The following OPCML variants were observed in gnomAD, a reference collection of about 807,000 sequenced individuals.
The protein encoded by OPCML is opioid binding protein/cell adhesion molecule like.
A neutral mutation model predicts 37.8 loss-of-function variants in OPCML; 13 were observed. That is an observed-to-expected ratio of 0.34 (90% confidence interval 0.22 to 0.55). The LOEUF (loss-of-function observed/expected upper bound fraction) is 0.55. Ranked by LOEUF, OPCML falls within the 20% of genes least tolerant of loss-of-function variation. OPCML has a pLI of 0.91. For synonymous variants in OPCML, 176 were observed against 168.8 expected (o/e 1.04, Z -0.33); for missense variants, 341 against 435.6 (o/e 0.78, Z 1.93).
At chr11:132,444,649 C>T (rs373670818) in intron 4 of OPCML, among the ~76,000 whole-genome samples, 3 of 152,156 alleles carry the variant, frequency 2.0e-5, no homozygotes, top group African/African-American at 2.4e-5. Flanking sequence ...TTAATCCCTG[C>T]AGAACTCCCC....
chr11:133,288,081 C>T (rs1942356152), intron 1 of OPCML, among the ~76,000 whole-genome samples: 1 of 152,206 alleles, frequency 6.6e-6, no homozygotes, highest in East Asian at 1.9e-4. Flanking sequence ...TTCTAAGCAT[C>T]TTATTGTGTG....
chr11:132,828,224 G>A (rs1235420727), intron 2 of OPCML, among the ~76,000 whole-genome samples: 1 of 152,160 alleles, frequency 6.6e-6, no homozygotes, highest in Non-Finnish European at 1.5e-5. Flanking sequence ...ATAGATCTGT[G>A]GAGTTGGGGT....
chr11:132,803,118 C>T (rs1159199967), intron 2 of OPCML, among the ~76,000 whole-genome samples: 1 of 152,186 alleles, frequency 6.6e-6, no homozygotes. Context: ...TAAGCTGTGA[C>T]AGGTTTCCAC....
At chr11:132,929,570 A>G (rs562815920) in intron 2 of OPCML, among the ~76,000 whole-genome samples, 1 of 152,334 alleles carries the variant, frequency 6.6e-6, no homozygotes, top group Non-Finnish European at 1.5e-5. Flanking sequence ...TATTTCGATA[A>G]CAAAATCAGA....
chr11:132,519,285 C>T (rs2096286983), intron 4 of OPCML, among the ~76,000 whole-genome samples: 1 of 152,112 alleles, frequency 6.6e-6, no homozygotes, highest in Non-Finnish European at 1.5e-5. Flanking sequence ...AATGTGAAGG[C>T]ATTATGAATC....
At chr11:133,031,257 AG>A (rs1203531109) in intron 1 of OPCML, among the ~76,000 whole-genome samples, 1 of 151,642 alleles carries the variant, frequency 6.6e-6, no homozygotes, top group Non-Finnish European at 1.5e-5. Flanking sequence ...GTGGATGGGT[AG>A]ACAGGTTAAA....
At chr11:132,804,371 G>C (rs1022824566) in intron 2 of OPCML, among the ~76,000 whole-genome samples, 4 of 152,194 alleles carry the variant, frequency 2.6e-5, no homozygotes, top group Non-Finnish European at 5.9e-5. Flanking sequence ...GCAAACTAGA[G>C]AGGAGGCAAC....
At chr11:133,053,298 T>C (rs1179613172) in intron 1 of OPCML, among the ~76,000 whole-genome samples, 1 of 152,218 alleles carries the variant, frequency 6.6e-6, no homozygotes, top group Non-Finnish European at 1.5e-5. Context: ...ATGGCGTGCA[T>C]TGTGATTATG....
At chr11:133,454,168 A>G (rs910212669) in intron 1 of OPCML, among the ~76,000 whole-genome samples, 2 of 152,196 alleles carry the variant, frequency 1.3e-5, no homozygotes, top group Non-Finnish European at 2.9e-5. Context: ...TGTGGAAATC[A>G]AGTTTCATTT....
chr11:132,962,804 C>G (rs983718787), intron 1 of OPCML, among the ~76,000 whole-genome samples: 2 of 152,198 alleles, frequency 1.3e-5, no homozygotes, highest in Admixed American at 6.5e-5. Context: ...GGTTTTCAGT[C>G]TTTGCTGTTT....
chr11:133,315,201 T>TTTCATA (rs1943177219), intron 1 of OPCML, among the ~76,000 whole-genome samples: 1 of 152,214 alleles, frequency 6.6e-6, no homozygotes, highest in Non-Finnish European at 1.5e-5. Context: ...CTACTTTTCC[T>TTTCATA]TTTGTAAAAT....
intron 4 of OPCML, among the ~76,000 whole-genome samples, chr11:132,457,686 T>C (rs1338627176): frequency 6.6e-6 from 1 of 152,188 alleles, no homozygotes. Context: ...TTTGTTTCCC[T>C]TTCTCTGGTG....
intron 1 of OPCML, among the ~76,000 whole-genome samples, chr11:133,442,904 A>G (rs1314970501): frequency 1.3e-5 from 2 of 152,168 alleles, no homozygotes; most frequent in African/African-American, 4.8e-5. Context: ...AGAGAAATAG[A>G]AGTGCGTTTG....
intron 1 of OPCML, chr11:133,003,754 G>A (rs1947055025): frequency 3.0e-6 from 3 of 985,284 alleles, no homozygotes; most frequent in African/African-American, 3.5e-5. Context: ...CCATGGAATA[G>A]GCTGAATTCT....
At chr11:132,970,284 T>A (rs902824307) in intron 1 of OPCML, among the ~76,000 whole-genome samples, 1 of 152,244 alleles carries the variant, frequency 6.6e-6, no homozygotes, top group African/African-American at 2.4e-5. Flanking sequence ...CGAAATATTT[T>A]ATTTATACTC....
At chr11:132,923,755 ATTTT>A (rs71038509) in intron 2 of OPCML, among the ~76,000 whole-genome samples, 55 of 92,096 alleles carry the variant, frequency 6.0e-4, no homozygotes, top group African/African-American at 2.2e-3. Context: ...AGTTACTTGA[ATTTT>A]TTTTTTTTTT....
intron 3 of OPCML, among the ~76,000 whole-genome samples, chr11:132,650,883 C>A (rs1941395981): frequency 6.6e-6 from 1 of 152,114 alleles, no homozygotes; most frequent in Admixed American, 6.5e-5. Context: ...AGGTTAACTG[C>A]CTGCTTTTCT....
At chr11:133,012,640 C>T (rs900266911) in intron 1 of OPCML, among the ~76,000 whole-genome samples, 2 of 152,114 alleles carry the variant, frequency 1.3e-5, no homozygotes, top group Admixed American at 6.5e-5. Context: ...CTTTGGGAGG[C>T]CGAGGTGGGT....
chr11:133,522,991 A>T (rs1468456254), intron 1 of OPCML, among the ~76,000 whole-genome samples: 1 of 152,132 alleles, frequency 6.6e-6, no homozygotes, highest in Non-Finnish European at 1.5e-5. Context: ...TTTGTGAACT[A>T]GTTGCATCTT....
Sources: allele counts gnomAD v4.1 joint callset (sites outside exome capture counted in the v4.1 genomes callset), GRCh38; gene constraint gnomAD v4.1.1; transcripts MANE v1.5; gene names NCBI Gene and HGNC (gene_info 2026-07-23, HGNC 2026-07-21).